The following MACO1 variants were observed in gnomAD, a reference collection of about 807,000 sequenced individuals.
The protein encoded by MACO1 is macoilin 1, also known as macoilin.
MACO1 carries 14 observed loss-of-function variants against 78.7 expected under a neutral mutation model. The ratio of observed to expected loss-of-function variants is 0.18; its 90% CI spans 0.12 to 0.28. The LOEUF (loss-of-function observed/expected upper bound fraction) is 0.28, where lower values mean the gene tolerates loss of function less well. Among genes scored for constraint, MACO1 ranks in the 10% least tolerant of loss-of-function variants. The pLI, the probability that MACO1 is intolerant of heterozygous loss-of-function variation, is 1.00. For synonymous variants in MACO1, 288 were observed against 291.6 expected (o/e 0.99, Z 0.12); for missense variants, 501 against 799.0 (o/e 0.63, Z 4.50).
chr1:25,460,404 A>G (rs1200631085), intron 6 of MACO1, among the ~76,000 whole-genome samples: 1 of 148,938 alleles, frequency 6.7e-6, no homozygotes, highest in African/African-American at 2.5e-5. Context: ...TCTCCTACAC[A>G]TGTTTTTTTT....
intron 6 of MACO1, among the ~76,000 whole-genome samples, chr1:25,468,433 C>T (rs764138910): frequency 7.9e-5 from 12 of 152,182 alleles, no homozygotes; most frequent in Non-Finnish European, 1.3e-4. Context: ...CCACCATTAA[C>T]CTGGTTCCTC....
At chr1:25,435,482 T>C (rs1201070084) in intron 1 of MACO1, among the ~76,000 whole-genome samples, 2 of 152,222 alleles carry the variant, frequency 1.3e-5, no homozygotes, top group Non-Finnish European at 2.9e-5. Flanking sequence ...TTCAGACCCT[T>C]GTCTACATCT....
At chr1:25,463,832 T>C (rs1352762776) in intron 6 of MACO1, among the ~76,000 whole-genome samples, 1 of 152,204 alleles carries the variant, frequency 6.6e-6, no homozygotes, top group Non-Finnish European at 1.5e-5. Context: ...TTTTATAGTG[T>C]TTTTTAAAAT....
At chr1:25,449,864 C>A (rs766787185) in intron 3 of MACO1, among the ~76,000 whole-genome samples, 9 of 152,054 alleles carry the variant, frequency 5.9e-5, no homozygotes, top group Non-Finnish European at 7.4e-5. Context: ...ACTAAAAATA[C>A]AAAAATTAGC....
At chr1:25,454,478 ATATATATATAT>A in intron 4 of MACO1, 96 bp downstream of exon 4, 6 of 160,582 alleles carry the variant, frequency 3.7e-5, no homozygotes, top group Non-Finnish European at 3.9e-5. Context: ...GTGTATATAT[ATATATATATAT>A]TTTTTTTTTT....
At chr1:25,497,567 G>A (rs1200531389) in intron 10 of MACO1, among the ~76,000 whole-genome samples, 1 of 152,160 alleles carries the variant, frequency 6.6e-6, no homozygotes, top group East Asian at 1.9e-4. Flanking sequence ...AGAAACTGAA[G>A]CGTAGTGAGG....
intron 6 of MACO1, among the ~76,000 whole-genome samples, chr1:25,481,233 C>A (rs566604787): frequency 6.6e-6 from 1 of 152,136 alleles, no homozygotes; most frequent in African/African-American, 2.4e-5. Context: ...TTTTCCCCAG[C>A]GACTGGTTGT....
intron 3 of MACO1, among the ~76,000 whole-genome samples, chr1:25,451,910 C>T (rs568590582): frequency 3.5e-5 from 5 of 144,320 alleles, no homozygotes; most frequent in East Asian, 4.1e-4. Context: ...CCAGCCTGGG[C>T]GACAGAGCGA....
intron 1 of MACO1, among the ~76,000 whole-genome samples, chr1:25,438,294 A>G (rs1481314038): frequency 6.6e-6 from 1 of 152,244 alleles, no homozygotes; most frequent in East Asian, 1.9e-4. Context: ...TTAGAAATTC[A>G]TTTCATAAGG....
At chr1:25,444,585 T>A in intron 1 of MACO1, among the ~76,000 whole-genome samples, 1 of 151,950 alleles carries the variant, frequency 6.6e-6, no homozygotes, top group East Asian at 1.9e-4. Flanking sequence ...TGTTTTTTTG[T>A]TTGTTTTTGT....
chr1:25,466,131 A>G (rs2043217558), intron 6 of MACO1, among the ~76,000 whole-genome samples: 1 of 152,202 alleles, frequency 6.6e-6, no homozygotes, highest in Non-Finnish European at 1.5e-5. Context: ...GCTAACCAGT[A>G]GTGGGATTGC....
chr1:25,464,783 A>C (rs1030517818), intron 6 of MACO1, among the ~76,000 whole-genome samples: 2 of 151,184 alleles, frequency 1.3e-5, no homozygotes, highest in African/African-American at 2.4e-5. Flanking sequence ...TAGCCTCCCA[A>C]GTAGCTTGGA....
At position 25,499,443 on chromosome 1, in the gene MACO1, T is replaced by G. The variant is rs1327038695; in HGVS notation, c.*977T>G. 5 of 151,896 alleles carry G rather than the reference T, an allele frequency of 3.3e-5. No homozygotes were observed. Among genetic ancestry groups the G allele is most frequent in the Non-Finnish European group, 5.9e-5 (4 of 67,970 alleles). 9.4% of individuals were successfully genotyped at this position (151,896 alleles called of 1,614,324 possible). ...CTAATAAAAGCTGCGGGTCTAGGTT[T>G]TTTTTTTTTTGTTTTGTTTTTTCAT... On this transcript the variant is annotated 3_prime_UTR_variant, in exon 11 of 11. Coordinates refer to ENST00000374343, the MANE Select transcript of MACO1 (RefSeq NM_018202.6).
intron 1 of MACO1, among the ~76,000 whole-genome samples, chr1:25,445,209 G>C (rs2043005083): frequency 6.6e-6 from 1 of 151,056 alleles, no homozygotes; most frequent in Non-Finnish European, 1.5e-5. Flanking sequence ...TGAGGTAGAA[G>C]GATCACTTGA....
chr1:25,431,911 ACT>A (rs1356753485), intron 1 of MACO1, among the ~76,000 whole-genome samples: 9 of 111,210 alleles, frequency 8.1e-5, no homozygotes, highest in South Asian at 2.4e-4. Context: ...TTTTCTCCAA[ACT>A]CTTTTTTTTT....
chr1:25,480,968 A>T (rs2043371678), intron 6 of MACO1, among the ~76,000 whole-genome samples: 1 of 111,274 alleles, frequency 9.0e-6, no homozygotes, highest in African/African-American at 3.3e-5. Context: ...ATATATATAT[A>T]TATATATTTC....
chr1:25,493,381 T>G (rs537310806), intron 10 of MACO1, among the ~76,000 whole-genome samples: 1 of 151,898 alleles, frequency 6.6e-6, no homozygotes, highest in South Asian at 2.1e-4. Context: ...GCTATGACTA[T>G]AGGCATGTGC....
At chr1:25,445,583 T>C (rs1260788976) in intron 1 of MACO1, among the ~76,000 whole-genome samples, 6 of 152,028 alleles carry the variant, frequency 3.9e-5, no homozygotes, top group African/African-American at 1.4e-4. Context: ...TCTTTTCTTT[T>C]TATTATTTTA....
At chr1:25,492,337 G>GCCATGGCGAGACAGAA in intron 10 of MACO1, among the ~76,000 whole-genome samples, 1 of 152,304 alleles carries the variant, frequency 6.6e-6, no homozygotes, top group South Asian at 2.1e-4. Flanking sequence ...TAGAAATAAA[G>GCCATGGCGAGACAGAA]CCATGGCGAG....
Sources: allele counts gnomAD v4.1 joint callset (sites outside exome capture counted in the v4.1 genomes callset), GRCh38; gene constraint gnomAD v4.1.1; transcripts MANE v1.5; gene names NCBI Gene and HGNC (gene_info 2026-07-23, HGNC 2026-07-21).